The following SLAIN1 variants were observed in gnomAD, a reference collection of about 807,000 sequenced individuals.
The protein encoded by SLAIN1 is SLAIN motif-containing protein 1.
In SLAIN1, 17 loss-of-function variants were observed where a neutral mutation model predicts 55.4. That is an observed-to-expected ratio of 0.31 (90% CI 0.21 to 0.46). SLAIN1 has a LOEUF of 0.46. Among genes scored for constraint, SLAIN1 ranks in the 20% least tolerant of loss-of-function variants. The pLI, the probability that SLAIN1 is intolerant of heterozygous loss-of-function variation, is 1.00. For synonymous variants in SLAIN1, 348 were observed against 337.4 expected, an observed-to-expected ratio of 1.03 and a Z score of -0.35; for missense variants, 682 against 785.1, an observed-to-expected ratio of 0.87 and a Z score of 1.57.
chr13:77,759,839 T>G (rs1194720382), intron 5 of SLAIN1, among the ~76,000 whole-genome samples: 1 of 152,154 alleles, frequency 6.6e-6, no homozygotes. Flanking sequence ...TATCAGTATT[T>G]CTGTGTATAG....
At chr13:77,722,812 T>C (rs1462617602) in intron 2 of SLAIN1, among the ~76,000 whole-genome samples, 2 of 152,204 alleles carry the variant, frequency 1.3e-5, no homozygotes, top group Non-Finnish European at 2.9e-5. Flanking sequence ...AGTGGTGTAA[T>C]CTCAGCACAC....
At chr13:77,751,550 C>T (rs933498820) in intron 4 of SLAIN1, among the ~76,000 whole-genome samples, 6 of 152,154 alleles carry the variant, frequency 3.9e-5, no homozygotes, top group Non-Finnish European at 7.3e-5. Context: ...ATGTTTGTTC[C>T]CTTGTTCATT....
Position 77,739,284 on chromosome 13 carries a change from A to G in SLAIN1, c.767-4999A>G, listed in dbSNP as rs117266899. On this transcript the variant is annotated intron_variant, in intron 2 of 6. Coordinates refer to ENST00000418532, the MANE Select transcript of SLAIN1 (RefSeq NM_001242868.2). ...ATACTTAAGTTTAAAAAATTGGGCA[A>G]AGTAATTTATATGTCAGGATAGGAG... 5.9e-5 allele frequency among the ~76,000 whole-genome samples: 9 copies of G among 152,136 alleles called. No homozygotes were observed. The East Asian group carries it at 1.5e-3, about 26-fold the overall frequency.
At chr13:77,734,283 T>C (rs1873009450) in intron 2 of SLAIN1, among the ~76,000 whole-genome samples, 3 of 152,132 alleles carry the variant, frequency 2.0e-5, no homozygotes, top group African/African-American at 7.2e-5. Flanking sequence ...AGCTGATGTT[T>C]CCTTTACCTT....
intron 2 of SLAIN1, among the ~76,000 whole-genome samples, chr13:77,733,484 T>G (rs1458449873): frequency 6.6e-6 from 1 of 152,162 alleles, no homozygotes; most frequent in Non-Finnish European, 1.5e-5. Context: ...GTTAATGATT[T>G]TTAAGTTATT....
At chr13:77,719,884 C>A (rs2091244953) in intron 2 of SLAIN1, among the ~76,000 whole-genome samples, 1 of 151,834 alleles carries the variant, frequency 6.6e-6, no homozygotes, top group African/African-American at 2.4e-5. Flanking sequence ...TTTTAGTTTG[C>A]TTTAGTTCAT....
At chr13:77,716,368 TC>T (rs1236892253) in intron 1 of SLAIN1, among the ~76,000 whole-genome samples, 1 of 151,740 alleles carries the variant, frequency 6.6e-6, no homozygotes, top group Non-Finnish European at 1.5e-5. Flanking sequence ...TATTCTAAGA[TC>T]TTTGCATTTC....
intron 1 of SLAIN1, among the ~76,000 whole-genome samples, chr13:77,703,434 A>C (rs2091050591): frequency 6.6e-6 from 1 of 152,112 alleles, no homozygotes; most frequent in Admixed American, 6.6e-5. Flanking sequence ...AAAAGACCAG[A>C]GGGTGCTTCC....
intron 1 of SLAIN1, chr13:77,699,267 G>A: frequency 5.9e-6 from 2 of 340,880 alleles, no homozygotes; most frequent in Non-Finnish European, 1.1e-5. Context: ...TTTTACCTAG[G>A]AACCAACGAA....
intron 2 of SLAIN1, among the ~76,000 whole-genome samples, chr13:77,727,093 A>G (rs1279679558): frequency 6.6e-6 from 1 of 152,230 alleles, no homozygotes; most frequent in African/African-American, 2.4e-5. Flanking sequence ...AATAAAGCCT[A>G]GAATAGAATA....
intron 2 of SLAIN1, among the ~76,000 whole-genome samples, chr13:77,737,868 AGAG>A (rs1193090616): frequency 1.3e-5 from 2 of 152,020 alleles, no homozygotes; most frequent in South Asian, 2.1e-4. Context: ...AGTGGGAAGG[AGAG>A]GAGAACAGTC....
chr13:77,752,893 C>T (rs1305852244), intron 4 of SLAIN1, among the ~76,000 whole-genome samples: 2 of 152,212 alleles, frequency 1.3e-5, no homozygotes, highest in Non-Finnish European at 2.9e-5. Flanking sequence ...CTACCCCTCC[C>T]AGTCCACTGA....
At chr13:77,727,235 C>T (rs919452375) in intron 2 of SLAIN1, among the ~76,000 whole-genome samples, 1 of 152,098 alleles carries the variant, frequency 6.6e-6, no homozygotes. Context: ...TTTCGAGGCA[C>T]CCTGTTTTGT....
At chr13:77,720,155 T>A (rs2091247856) in intron 2 of SLAIN1, among the ~76,000 whole-genome samples, 1 of 152,090 alleles carries the variant, frequency 6.6e-6, no homozygotes, top group Non-Finnish European at 1.5e-5. Context: ...TTAATTAACT[T>A]ATGGAGCCTA....
intron 1 of SLAIN1, among the ~76,000 whole-genome samples, chr13:77,706,073 CCCT>C (rs975544644): frequency 8.5e-5 from 13 of 152,090 alleles, no homozygotes; most frequent in African/African-American, 3.1e-4. Context: ...GTCCTCTACT[CCCT>C]CCTCCTGCTG....
chr13:77,754,153 G>T (rs1874434077), intron 5 of SLAIN1, among the ~76,000 whole-genome samples: 1 of 152,144 alleles, frequency 6.6e-6, no homozygotes, highest in Admixed American at 6.5e-5. Flanking sequence ...AGCATGTTCT[G>T]AGTGTACTGG....
intron 1 of SLAIN1, among the ~76,000 whole-genome samples, chr13:77,708,733 G>A (rs990922521): frequency 6.6e-6 from 1 of 152,008 alleles, no homozygotes; most frequent in Non-Finnish European, 1.5e-5. Context: ...TAAAAAGGAC[G>A]TCCACACAGA....
At chr13:77,740,161 T>C (rs752259338) in intron 2 of SLAIN1, among the ~76,000 whole-genome samples, 2 of 152,048 alleles carry the variant, frequency 1.3e-5, no homozygotes, top group Non-Finnish European at 2.9e-5. Flanking sequence ...ACCTTTAAGG[T>C]CTTGCATTTG....
intron 1 of SLAIN1, among the ~76,000 whole-genome samples, chr13:77,717,425 T>C (rs2091218721): frequency 6.6e-6 from 1 of 152,172 alleles, no homozygotes; most frequent in Non-Finnish European, 1.5e-5. Context: ...AGTTTAGCAG[T>C]AAAGTCTTCT....
Sources: gnomAD v4.1 joint callset for allele counts (sites outside exome capture counted in the v4.1 genomes callset) on GRCh38, gnomAD v4.1.1 for gene constraint, MANE v1.5 for transcripts, NCBI Gene and HGNC (gene_info 2026-07-23, HGNC 2026-07-21) for gene names.